The following BRWD1 variants were observed in gnomAD, a reference collection of about 807,000 sequenced individuals.
BRWD1 encodes the protein bromodomain and WD repeat-containing protein 1.
Under a neutral mutation model 251.2 loss-of-function variants are expected in BRWD1, and 82 were observed. The observed-to-expected ratio is 0.33, with a 90% CI of 0.27 to 0.39. The LOEUF is 0.39. Ranked by LOEUF, BRWD1 falls within the 10% of genes least tolerant of loss-of-function variation. The probability of loss-of-function intolerance (pLI) is 1.00; values close to 1 mark genes in which losing one functional copy is unlikely to be tolerated. For missense variants in BRWD1, 2,233 were observed against 2,711.6 expected (o/e 0.82, Z 3.92); for synonymous variants, 918 against 902.8 (o/e 1.02, Z -0.30).
intron 15 of BRWD1, among the ~76,000 whole-genome samples, chr21:39,267,982 T>A (rs2034977893): frequency 6.6e-6 from 1 of 151,964 alleles, no homozygotes; most frequent in Non-Finnish European, 1.5e-5. Flanking sequence ...AACCTGCACA[T>A]CCTGCACACA....
chr21:39,227,997 C>G (rs2033450937), intron 27 of BRWD1, among the ~76,000 whole-genome samples: 1 of 152,058 alleles, frequency 6.6e-6, no homozygotes, highest in Non-Finnish European at 1.5e-5. Flanking sequence ...CTAAAAAAGT[C>G]TACATAATAG....
intron 4 of BRWD1, among the ~76,000 whole-genome samples, chr21:39,302,728 C>G (rs1337605234): frequency 6.7e-6 from 1 of 149,074 alleles, no homozygotes; most frequent in Non-Finnish European, 1.5e-5. Flanking sequence ...GCACTCACTC[C>G]TAGGTGACAG....
chr21:39,258,735 A>G, intron 17 of BRWD1, 63 bp from the exon 18 acceptor site: 1 of 1,241,220 alleles, frequency 8.1e-7, no homozygotes, highest in South Asian at 1.9e-5. Flanking sequence ...AAATTTCGTT[A>G]GGGTACAAAT....
At chr21:39,208,901 G>T (rs892856669) in intron 36 of BRWD1, among the ~76,000 whole-genome samples, 10 of 151,262 alleles carry the variant, frequency 6.6e-5, no homozygotes, top group Non-Finnish European at 7.4e-5. Flanking sequence ...CAAAACTTTA[G>T]TAACCTTCTA....
intron 5 of BRWD1, chr21:39,297,384 C>G: frequency 1.0e-6 from 1 of 985,402 alleles, no homozygotes; most frequent in Non-Finnish European, 1.2e-6. Flanking sequence ...GAATACGCCC[C>G]TACCCTAGGG....
chr21:39,214,697 G>A (rs1161199776), intron 32 of BRWD1, among the ~76,000 whole-genome samples: 1 of 151,984 alleles, frequency 6.6e-6, no homozygotes, highest in East Asian at 1.9e-4. Flanking sequence ...GAGACTAGAT[G>A]AAAGGCAAAT....
intron 13 of BRWD1, among the ~76,000 whole-genome samples, chr21:39,273,601 G>A (rs1200201293): frequency 6.6e-6 from 1 of 152,040 alleles, no homozygotes; most frequent in Non-Finnish European, 1.5e-5. Flanking sequence ...CAGGCATGGT[G>A]GCTCATGCTC....
rs1341939376 is a variant in BRWD1 at position 39,266,494 on chromosome 21, C to G, written c.1531-1475G>C. On this transcript the variant is annotated intron_variant, in intron 15 of 40. Transcript: ENST00000342449. The stretch of plus-strand genomic sequence containing the variant: ...CAGTGGGGAGGGAGTGGCAAAATCT[C>G]AAAGCTGGAAAGCTGAAGATGGTGG... 4.6e-5 allele frequency among the ~76,000 whole-genome samples: 7 copies of G among 152,148 alleles called. No individual in the cohort carries two copies. The East Asian group carries it at 1.4e-3, about 29-fold the overall frequency.
At chr21:39,289,694 CTTCT>C (rs10600136) in intron 8 of BRWD1, among the ~76,000 whole-genome samples, 7,722 of 152,122 alleles carry the variant, frequency 0.051, 664 homozygotes, top group African/African-American at 0.18. Flanking sequence ...AAAAATATTA[CTTCT>C]TTGTCTATCA....
rs759572995 is a variant in BRWD1, at chr21:39,199,243, C to T, written c.5173G>A (p.Asp1725Asn). Reference protein sequence around the residue: ...SENRDSESESDLRVARKNWHA... With the variant: ...SENRDSESESNLRVARKNWHA... ...CAATTTTTCCGGGCTACCCGCAAAT[C>T]ACTTTCTGACTCTGAGTCTCTGTTT... The change falls in exon 40 of 41, where the codon GAT becomes AAT. Residue 1725 changes from aspartate (D) to asparagine (N), a missense_variant. Asp to Asn is a conservative substitution (Grantham distance 23). This residue lies in a region of BRWD1 where 928 missense variants were observed against 970.0 expected (regional missense o/e 0.96). Coordinates refer to ENST00000342449, the MANE Select transcript of BRWD1 (RefSeq NM_033656.4). The T allele has an allele frequency of 9.3e-6, 15 of 1,614,186 alleles. No homozygotes were observed. Among genetic ancestry groups the T allele is most frequent in the Non-Finnish European group, 1.3e-5 (15 of 1,180,034 alleles).
chr21:39,303,519 CAAAAA>C (rs34013314), intron 4 of BRWD1, among the ~76,000 whole-genome samples: 1 of 91,730 alleles, frequency 1.1e-5, no homozygotes, highest in Non-Finnish European at 2.0e-5. Context: ...ACTCCATCTC[CAAAAA>C]AAAAAAAAAA....
chr21:39,197,107 G>C lies in BRWD1; in HGVS notation c.5962C>G (p.Pro1988Ala), dbSNP rs754539994. ...DCEGSVHCEV[P>A]SEQYACEGKP... ...CCTTCACAGGCATACTGTTCACTTG[G>C]TACTTCACAATGTACACTTCCTTCA... The change falls in exon 41 of 41, where the codon CCA becomes GCA. Residue 1988 changes from proline (P) to alanine (A), a missense_variant. Pro to Ala is a conservative substitution (Grantham distance 27, BLOSUM62 -1). This residue lies in a region of BRWD1 where 928 missense variants were observed against 970.0 expected (regional missense o/e 0.96). Transcript: ENST00000342449. 6.8e-6 allele frequency: 11 copies of C among 1,613,978 alleles called. No homozygotes were observed. Among genetic ancestry groups the C allele is most frequent in the Non-Finnish European group, 9.3e-6 (11 of 1,179,968 alleles).
intron 30 of BRWD1, 71 bp downstream of exon 30, chr21:39,218,434 T>C (rs2033042345): frequency 6.9e-7 from 1 of 1,451,222 alleles, no homozygotes; most frequent in Admixed American, 2.4e-5. Context: ...TCAATTATGC[T>C]AGTATTTTTA....
intron 4 of BRWD1, among the ~76,000 whole-genome samples, chr21:39,301,370 C>T (rs1406772500): frequency 3.9e-5 from 6 of 152,138 alleles, no homozygotes; most frequent in African/African-American, 9.7e-5. Context: ...CTTGCTAAGA[C>T]TCTACTGCCT....
At chr21:39,279,807 T>C (rs2066676462) in intron 9 of BRWD1, among the ~76,000 whole-genome samples, 1 of 152,210 alleles carries the variant, frequency 6.6e-6, no homozygotes, top group African/African-American at 2.4e-5. Context: ...TAGTGACTAC[T>C]GTATTAGACA....
chr21:39,287,337 A>G (rs977623898), intron 8 of BRWD1, among the ~76,000 whole-genome samples: 4 of 152,188 alleles, frequency 2.6e-5, no homozygotes, highest in Non-Finnish European at 5.9e-5. Context: ...CTTTTGAGGA[A>G]TAAGAGATTT....
At chr21:39,276,331 G>C (rs1267589932) in intron 11 of BRWD1, 118 bp from the exon 12 acceptor site, 1 of 732,408 alleles carries the variant, frequency 1.4e-6, no homozygotes, top group Non-Finnish European at 2.1e-6. Flanking sequence ...TTGCACTTGT[G>C]TTGCTTAGCC....
At chr21:39,264,870 C>A in intron 16 of BRWD1, 21 bp downstream of exon 16, 1 of 1,607,322 alleles carries the variant, frequency 6.2e-7, no homozygotes, top group Non-Finnish European at 8.5e-7. Flanking sequence ...TTGCATGCTA[C>A]AACAAAGTAT....
intron 4 of BRWD1, among the ~76,000 whole-genome samples, chr21:39,300,479 CT>C (rs1327735691): frequency 1.3e-5 from 2 of 152,210 alleles, no homozygotes; most frequent in Non-Finnish European, 2.9e-5. Flanking sequence ...AAATGTCAAA[CT>C]CTGCTGGAAG....
Sources: allele counts gnomAD v4.1 joint callset (sites outside exome capture counted in the v4.1 genomes callset), GRCh38; gene constraint gnomAD v4.1.1; regional missense constraint gnomAD v4.1.1; transcripts MANE v1.5; gene names NCBI Gene and HGNC (gene_info 2026-07-23, HGNC 2026-07-21).